Variants in GRIK2 observed in about 807,000 individuals in gnomAD.
GRIK2 encodes glutamate receptor ionotropic, kainate 2.
In GRIK2, 32 loss-of-function variants were observed where a neutral mutation model predicts 100.3. That is an observed-to-expected ratio of 0.32 (90% confidence interval 0.24 to 0.43). The LOEUF (loss-of-function observed/expected upper bound fraction) is 0.43. Among genes scored for constraint, GRIK2 ranks in the 20% least tolerant of loss-of-function variants. The pLI, the probability that GRIK2 is intolerant of heterozygous loss-of-function variation, is 1.00. For synonymous variants in GRIK2, 417 were observed against 389.4 expected (o/e 1.07, Z -0.83); for missense variants, 843 against 1,114.9 (o/e 0.76, Z 3.47).
chr6:102,012,570 G>T (rs1210855130), intron 14 of GRIK2, among the ~76,000 whole-genome samples: 6 of 152,096 alleles, frequency 3.9e-5, no homozygotes, highest in Admixed American at 1.3e-4. Flanking sequence ...TGCATATTTT[G>T]TGAGATTTAT....
intron 7 of GRIK2, among the ~76,000 whole-genome samples, chr6:101,727,525 G>A (rs147960262): frequency 3.1e-4 from 47 of 152,212 alleles, no homozygotes; most frequent in Admixed American, 1.2e-3. Context: ...AGCTGGCATT[G>A]CTCACCAGAC....
intron 2 of GRIK2, among the ~76,000 whole-genome samples, chr6:101,472,148 A>G (rs1771977867): frequency 6.6e-6 from 1 of 151,848 alleles, no homozygotes; most frequent in African/African-American, 2.4e-5. Flanking sequence ...ATTACAGTTT[A>G]TCTTTTATTT....
chr6:101,965,406 T>G (rs1259084334), intron 14 of GRIK2, among the ~76,000 whole-genome samples: 1 of 152,158 alleles, frequency 6.6e-6, no homozygotes, highest in Non-Finnish European at 1.5e-5. Context: ...AATCTGTCAC[T>G]CTCATCATGC....
At chr6:101,981,820 A>T (rs1310787225) in intron 14 of GRIK2, among the ~76,000 whole-genome samples, 1 of 151,892 alleles carries the variant, frequency 6.6e-6, no homozygotes, top group African/African-American at 2.4e-5. Flanking sequence ...AGGTAAAAAA[A>T]AAGTATATTT....
At chr6:101,720,718 A>G (rs1489456875) in intron 7 of GRIK2, among the ~76,000 whole-genome samples, 3 of 151,214 alleles carry the variant, frequency 2.0e-5, no homozygotes, top group Non-Finnish European at 4.4e-5. Context: ...AACAAATTTA[A>G]AAGGTCCTAG....
At chr6:101,820,074 A>T (rs1277482645) in intron 10 of GRIK2, among the ~76,000 whole-genome samples, 1 of 152,144 alleles carries the variant, frequency 6.6e-6, no homozygotes, top group East Asian at 1.9e-4. Context: ...TGGGATAACC[A>T]GTTAGCCTGC....
intron 14 of GRIK2, among the ~76,000 whole-genome samples, chr6:102,006,433 A>ATGAT (rs1318939947): frequency 1.9e-4 from 26 of 140,344 alleles, no homozygotes; most frequent in African/African-American, 7.2e-4. Context: ...CAGTGGTGTG[A>ATGAT]TGATAGCTCA....
intron 12 of GRIK2, among the ~76,000 whole-genome samples, chr6:101,913,912 G>A (rs1385138444): frequency 6.6e-6 from 1 of 151,396 alleles, no homozygotes; most frequent in African/African-American, 2.4e-5. Context: ...GGGCAGAAGA[G>A]GTTAGAGTTT....
intron 14 of GRIK2, among the ~76,000 whole-genome samples, chr6:101,992,546 G>T (rs145341107): frequency 1.2e-4 from 18 of 151,726 alleles, no homozygotes; most frequent in African/African-American, 4.3e-4. Flanking sequence ...GTGGGTGAGG[G>T]TCAAACCAAC....
chr6:101,486,610 A>T (rs1772849067), intron 2 of GRIK2, among the ~76,000 whole-genome samples: 1 of 152,186 alleles, frequency 6.6e-6, no homozygotes, highest in African/African-American at 2.4e-5. Context: ...AGAGCCCTTA[A>T]TGATCTTTTG....
intron 2 of GRIK2, among the ~76,000 whole-genome samples, chr6:101,403,958 A>C (rs1051040780): frequency 6.6e-6 from 1 of 152,218 alleles, no homozygotes; most frequent in Non-Finnish European, 1.5e-5. Context: ...AGCTTCAAAG[A>C]ATAACTTGAT....
chr6:101,564,234 A>G (rs1422646790), intron 2 of GRIK2, among the ~76,000 whole-genome samples: 3 of 152,158 alleles, frequency 2.0e-5, no homozygotes, highest in Admixed American at 6.6e-5. Context: ...TACTGCGTCC[A>G]CTAACAATGA....
intron 2 of GRIK2, among the ~76,000 whole-genome samples, chr6:101,401,068 A>G (rs1775280508): frequency 6.6e-6 from 1 of 152,182 alleles, no homozygotes; most frequent in Admixed American, 6.5e-5. Flanking sequence ...GTGCTACAGT[A>G]TGGTAGTTTG....
chr6:101,587,582 G>A (rs1193513600), intron 2 of GRIK2, among the ~76,000 whole-genome samples: 1 of 152,016 alleles, frequency 6.6e-6, no homozygotes, highest in Non-Finnish European at 1.5e-5. Flanking sequence ...TTTTCAGATT[G>A]GAAACCACAG....
At chr6:101,705,803 A>G (rs1773244931) in intron 7 of GRIK2, among the ~76,000 whole-genome samples, 1 of 151,878 alleles carries the variant, frequency 6.6e-6, no homozygotes, top group Non-Finnish European at 1.5e-5. Context: ...ATCAGTTTTG[A>G]TACTTTAAAA....
chr6:101,749,807 T>C (rs915224890), intron 7 of GRIK2, among the ~76,000 whole-genome samples: 9 of 140,582 alleles, frequency 6.4e-5, no homozygotes, highest in Non-Finnish European at 1.1e-4. Flanking sequence ...CAGTTTCTTT[T>C]TTTTTTTTTT....
At chr6:101,791,241 T>A (rs905773718) in intron 7 of GRIK2, among the ~76,000 whole-genome samples, 4 of 152,214 alleles carry the variant, frequency 2.6e-5, no homozygotes, top group African/African-American at 7.2e-5. Context: ...GTTTCTTGCC[T>A]TCTGCTAGCT....
intron 5 of GRIK2, 37 bp from the exon 6 acceptor site, chr6:101,682,516 G>T: frequency 1.1e-6 from 1 of 904,680 alleles, no homozygotes; most frequent in South Asian, 1.4e-5. Flanking sequence ...TGTCTTTCCT[G>T]AAATATGTAC....
At chr6:102,061,312 C>T (rs935227139) in intron 16 of GRIK2, among the ~76,000 whole-genome samples, 3 of 150,498 alleles carry the variant, frequency 2.0e-5, no homozygotes, top group African/African-American at 7.3e-5. Flanking sequence ...GAATACAAAA[C>T]TACCCTAAGA....
Sources: gnomAD v4.1 joint callset for allele counts (sites outside exome capture counted in the v4.1 genomes callset) on GRCh38, gnomAD v4.1.1 for gene constraint, MANE v1.5 for transcripts, NCBI Gene and HGNC (gene_info 2026-07-23, HGNC 2026-07-21) for gene names.